Variants in AR observed in about 807,000 individuals in gnomAD.
The protein encoded by AR is dihydrotestosterone receptor.
AR carries 8 observed loss-of-function variants against 53.9 expected under a neutral mutation model. The ratio of observed to expected loss-of-function variants is 0.15; its 90% CI spans 0.09 to 0.27. The LOEUF (loss-of-function observed/expected upper bound fraction) is 0.27. Among genes scored for constraint, AR ranks in the 10% least tolerant of loss-of-function variants. The pLI, the probability that AR is intolerant of heterozygous loss-of-function variation, is 1.00. For synonymous variants in AR, 359 were observed against 316.4 expected (o/e 1.13, Z -1.43); for missense variants, 639 against 742.5 (o/e 0.86, Z 1.62).
chrX:67,662,766 T>C lies in AR; in HGVS notation c.1768+19359T>C, dbSNP rs1056348670. Among the ~76,000 whole-genome samples the C allele has an allele frequency of 3.6e-5, 4 of 111,340 alleles. No homozygotes were observed. The Admixed American group carries it at 3.8e-4, about 11-fold the overall frequency. ...ATTATTGTGTGGGAGTCTAAGTCTC[T>C]TTGTAGGTCTCTAAGGACTTGCTTT... On this transcript the variant is annotated intron_variant, in intron 2 of 7. Coordinates refer to ENST00000374690, the MANE Select transcript of AR (RefSeq NM_000044.6).
In AR at chrX:67,544,363, T is replaced by G; in HGVS notation, c.-784T>G. 1 of 25,231 alleles carries G rather than the reference T, an allele frequency of 4.0e-5. No individual in the cohort carries two copies. The highest frequency in any genetic ancestry group is 2.7e-4 in the East Asian group (1 of 3,645). The allele number at this position is 25,231 out of a possible 1,213,427, so 2.1% of individuals were successfully genotyped here. A position where few individuals can be genotyped will look rare whatever the true frequency, so the allele number is the denominator to read the frequency against. ...CTCTCCACCCCGCCTCCCCCCACCC[T>G]GCCTTCCCCCCCTCCCCCGTCTTCT... On this transcript the variant is annotated 5_prime_UTR_variant, in exon 1 of 8. Coordinates refer to ENST00000374690, the MANE Select transcript of AR (RefSeq NM_000044.6).
chrX:67,717,816 G>T (rs1196426314), intron 5 of AR, among the ~76,000 whole-genome samples, 194 bp downstream of exon 5: 3 of 112,969 alleles, frequency 2.7e-5, no homozygotes, highest in East Asian at 2.8e-4. Flanking sequence ...AGCCCAGGAG[G>T]ATGGTGCTGA....
chrX:67,677,737 T>G (rs766718624), intron 2 of AR, among the ~76,000 whole-genome samples: 7 of 111,737 alleles, frequency 6.3e-5, no homozygotes, highest in Non-Finnish European at 1.3e-4. Flanking sequence ...ATCTCTGTTA[T>G]TGACTCATTG....
intron 1 of AR, among the ~76,000 whole-genome samples, chrX:67,636,055 G>A (rs757926017): frequency 1.3e-4 from 15 of 111,226 alleles, no homozygotes; most frequent in South Asian, 3.8e-4. Context: ...TAAAATTAAT[G>A]TTGATGAGCC....
chrX:67,657,575 A>C (rs1388755091), intron 2 of AR, among the ~76,000 whole-genome samples: 3 of 112,083 alleles, frequency 2.7e-5, no homozygotes, highest in Non-Finnish European at 1.9e-5. Flanking sequence ...CTTTAAACAC[A>C]TTGAAAACCT....
At chrX:67,655,247 C>G (rs981898718) in intron 2 of AR, among the ~76,000 whole-genome samples, 5 of 110,392 alleles carry the variant, frequency 4.5e-5, no homozygotes, top group African/African-American at 1.7e-4. Flanking sequence ...GACATCCTGT[C>G]CTTGAGGTTC....
rs1303861195 is a variant in AR, at chrX:67,682,274, G to GATT, written c.1769-3723_1769-3721dup. Among the ~76,000 whole-genome samples the GATT allele has an allele frequency of 4.5e-5, 5 of 110,650 alleles. No homozygotes were observed. The South Asian group carries it at 1.6e-3, about 34-fold the overall frequency. On this transcript the variant is annotated intron_variant, in intron 2 of 7. Coordinates refer to ENST00000374690, the MANE Select transcript of AR (RefSeq NM_000044.6). ...ATCCCTGTTATACTTACTTTGCACA[G>GATT]ATTATTATTATTATTTAATTATTAT...
chrX:67,634,953 T>C (rs1260916406), intron 1 of AR, among the ~76,000 whole-genome samples: 13 of 110,982 alleles, frequency 1.2e-4, no homozygotes, highest in Admixed American at 1.9e-4. Flanking sequence ...AGTAGGTATG[T>C]ATGAGAAAGA....
At chrX:67,688,597 A>G (rs899708286) in intron 3 of AR, among the ~76,000 whole-genome samples, 3 of 111,507 alleles carry the variant, frequency 2.7e-5, no homozygotes, top group Admixed American at 9.5e-5. Flanking sequence ...AACACTCTTG[A>G]TTACCTCAAA....
intron 1 of AR, among the ~76,000 whole-genome samples, chrX:67,622,490 C>T (rs928934984): frequency 3.6e-5 from 4 of 111,943 alleles, no homozygotes; most frequent in Non-Finnish European, 7.5e-5. Flanking sequence ...TTTGCTACTA[C>T]CACTCCAGCT....
At chrX:67,701,894 C>G (rs1435934721) in intron 3 of AR, among the ~76,000 whole-genome samples, 1 of 111,899 alleles carries the variant, frequency 8.9e-6, no homozygotes, top group African/African-American at 3.2e-5. Context: ...AGCCTCCTGT[C>G]TATTCCCTTC....
chrX:67,655,366 C>T (rs1263294087), intron 2 of AR, among the ~76,000 whole-genome samples: 2 of 111,370 alleles, frequency 1.8e-5, no homozygotes, highest in Non-Finnish European at 3.8e-5. Flanking sequence ...CTTCTGCCAT[C>T]CCACCTGTGT....
chrX:67,661,778 C>A (rs1410206615), intron 2 of AR, among the ~76,000 whole-genome samples: 2 of 111,495 alleles, frequency 1.8e-5, no homozygotes, highest in African/African-American at 6.5e-5. Context: ...ACCAGCTCCT[C>A]CTTGTACCTC....
At chrX:67,627,712 A>G (rs938287070) in intron 1 of AR, among the ~76,000 whole-genome samples, 39 of 111,855 alleles carry the variant, frequency 3.5e-4, no homozygotes, top group African/African-American at 1.2e-3. Context: ...GTCCTTGCCC[A>G]TGCCTATGTC....
chrX:67,567,435 G>T (rs1025781601), intron 1 of AR, among the ~76,000 whole-genome samples: 1 of 111,158 alleles, frequency 9.0e-6, no homozygotes, highest in Non-Finnish European at 1.9e-5. Context: ...CTTCCTTTCC[G>T]AGAGTCCTTT....
intron 1 of AR, among the ~76,000 whole-genome samples, chrX:67,599,970 T>A (rs764793633): frequency 1.9e-4 from 21 of 111,710 alleles, no homozygotes; most frequent in Admixed American, 1.7e-3. Flanking sequence ...AATGTGCATA[T>A]ACCAACATAT....
intron 3 of AR, among the ~76,000 whole-genome samples, chrX:67,705,859 C>G (rs1164115523): frequency 3.6e-5 from 4 of 111,310 alleles, no homozygotes; most frequent in Admixed American, 9.6e-5. Context: ...GCATGAAGGG[C>G]TGTTGAATTT....
At chrX:67,601,714 C>T (rs986023577) in intron 1 of AR, among the ~76,000 whole-genome samples, 3 of 112,248 alleles carry the variant, frequency 2.7e-5, no homozygotes, top group Non-Finnish European at 5.6e-5. Flanking sequence ...CATTTTTCAG[C>T]TCCTGTCAGA....
At chrX:67,567,677 C>T (rs1428401887) in intron 1 of AR, among the ~76,000 whole-genome samples, 1 of 111,847 alleles carries the variant, frequency 8.9e-6, no homozygotes, top group Non-Finnish European at 1.9e-5. Context: ...TGTGTCCAGA[C>T]TTTGTGGGTT....
Sources: gnomAD v4.1 joint callset for allele counts (sites outside exome capture counted in the v4.1 genomes callset) on GRCh38, gnomAD v4.1.1 for gene constraint, MANE v1.5 for transcripts, NCBI Gene and HGNC (gene_info 2026-07-23, HGNC 2026-07-21) for gene names.